The following AMOT variants were observed in gnomAD, a reference collection of about 807,000 sequenced individuals.
AMOT encodes the protein angiomotin.
AMOT carries 11 observed loss-of-function variants against 67.0 expected under a neutral mutation model. The ratio of observed to expected loss-of-function variants is 0.16; its 90% CI spans 0.10 to 0.27. The LOEUF (loss-of-function observed/expected upper bound fraction) is 0.27. AMOT is among the 10% of genes least tolerant of loss of function. The probability of loss-of-function intolerance (pLI) is 1.00; values close to 1 mark genes in which losing one functional copy is unlikely to be tolerated. For synonymous variants in AMOT, 326 were observed against 321.4 expected (o/e 1.01, Z -0.15); for missense variants, 753 against 852.0 (o/e 0.88, Z 1.45).
chrX:112,833,479 G>A (rs979855599), intron 1 of AMOT, among the ~76,000 whole-genome samples: 12 of 40,366 alleles, frequency 3.0e-4, no homozygotes, highest in Non-Finnish European at 4.4e-4. Flanking sequence ...TGGGAGTAAA[G>A]GGGGGGGGGG....
intron 9 of AMOT, among the ~76,000 whole-genome samples, chrX:112,791,610 T>C (rs771788297): frequency 8.9e-6 from 1 of 112,034 alleles, no homozygotes; most frequent in Non-Finnish European, 1.9e-5. Flanking sequence ...AGGTGCAAGA[T>C]AAAAGGCTTA....
chrX:112,794,883 C>G (rs1490762760), intron 8 of AMOT, among the ~76,000 whole-genome samples: 3 of 111,691 alleles, frequency 2.7e-5, no homozygotes, highest in African/African-American at 9.8e-5. Context: ...CTCCAGATAT[C>G]CTTGACATGG....
At chrX:112,806,677 A>G (rs1362889557) in intron 7 of AMOT, among the ~76,000 whole-genome samples, 2 of 111,853 alleles carry the variant, frequency 1.8e-5, no homozygotes, top group African/African-American at 3.3e-5. Context: ...TAGCATTTGC[A>G]TAAGTTAATA....
intron 8 of AMOT, among the ~76,000 whole-genome samples, chrX:112,803,908 A>C (rs1934089783): frequency 8.9e-6 from 1 of 112,184 alleles, no homozygotes; most frequent in Non-Finnish European, 1.9e-5. Flanking sequence ...TCAGAGCAGA[A>C]GTCTGTGAGA....
At chrX:112,814,408 G>A (rs1012866629) in intron 5 of AMOT, among the ~76,000 whole-genome samples, 1 of 111,821 alleles carries the variant, frequency 8.9e-6, no homozygotes, top group African/African-American at 3.3e-5. Context: ...CACTCCTGGT[G>A]TTTCCTAAGG....
chrX:112,821,238 T>C (rs1360752262), intron 4 of AMOT, among the ~76,000 whole-genome samples: 1 of 111,160 alleles, frequency 9.0e-6, no homozygotes, highest in Non-Finnish European at 1.9e-5. Context: ...GAGCCGCATA[T>C]AAATGAAGGC....
chrX:112,790,563 C>T, intron 10 of AMOT, 29 bp downstream of exon 10: 3 of 1,149,717 alleles, frequency 2.6e-6, no homozygotes, highest in Non-Finnish European at 3.5e-6. Flanking sequence ...CTGTTCTTCC[C>T]ACTCATGCCC....
At chrX:112,790,871 G>A in intron 9 of AMOT, 89 bp from the exon 10 acceptor site, 1 of 867,573 alleles carries the variant, frequency 1.2e-6, no homozygotes, top group Non-Finnish European at 1.5e-6. Context: ...TTACTGCCCA[G>A]CCTACTTCTG....
In AMOT at chrX:112,815,647, C is replaced by T. The variant is rs370543375; in HGVS notation, c.1103G>A (p.Arg368His). ...CTGACTCAGGCCAGGTTGGGAGAGA[C>T]GGTAATGATCCCCCTGGTGAGCCTG... ...PNQAHQGDHY[R>H]LSQPGLSQQQ... The change falls in exon 5 of 14, where the codon CGT becomes CAT. Residue 368 changes from arginine to histidine, a missense_variant. By Grantham distance (29) the Arg-to-His change is conservative. Transcript: ENST00000371959. 62 of 1,187,576 alleles carry T rather than the reference C, an allele frequency of 5.2e-5. No individual in the cohort carries two copies. The highest frequency in any genetic ancestry group is 2.3e-4 in the Middle Eastern group (1 of 4,328).
chrX:112,790,445 C>T, intron 10 of AMOT, 147 bp downstream of exon 10: 1 of 593,465 alleles, frequency 1.7e-6, no homozygotes, highest in South Asian at 4.1e-5. Context: ...GCCGTTCATT[C>T]CCTGCATAAT....
chrX:112,797,453 G>A (rs980901713), intron 8 of AMOT, among the ~76,000 whole-genome samples: 2 of 111,280 alleles, frequency 1.8e-5, no homozygotes, highest in Admixed American at 9.6e-5. Context: ...ATAGACAGCT[G>A]CTATAACAGA....
At chrX:112,815,984 T>C (rs1436898794) in intron 4 of AMOT, 107 bp from the exon 5 acceptor site, 1 of 1,044,886 alleles carries the variant, frequency 9.6e-7, no homozygotes, top group African/African-American at 1.9e-5. Context: ...CCAGGACACC[T>C]GCAAAATGAA....
intron 7 of AMOT, among the ~76,000 whole-genome samples, chrX:112,807,082 G>T (rs1447097059): frequency 9.0e-6 from 1 of 111,419 alleles, no homozygotes; most frequent in Non-Finnish European, 1.9e-5. Context: ...TTGCTTGTTT[G>T]TTTCCAGAGC....
rs950024282 is a variant in AMOT at position 112,790,414 on chromosome X, C to A, written c.2117+178G>T. Among the ~76,000 whole-genome samples, 4 of 111,226 alleles carry A rather than the reference C, an allele frequency of 3.6e-5. No homozygotes were observed. The Admixed American group carries it at 3.9e-4, about 11-fold the overall frequency. ...TATAAAACAACTTTGATGTTCAAAT[C>A]CCTGACCCTCTGTCTCTACAGCCGT... is the stretch of plus-strand genomic sequence containing the variant. On this transcript the variant is annotated intron_variant, in intron 10 of 13. Coordinates refer to ENST00000371959, the MANE Select transcript of AMOT (RefSeq NM_001113490.2).
intron 2 of AMOT, among the ~76,000 whole-genome samples, chrX:112,829,398 G>A (rs1315383754): frequency 5.4e-5 from 6 of 110,962 alleles, no homozygotes; most frequent in African/African-American, 2.0e-4. Context: ...CTCCCCCATC[G>A]CCTTCTGCCA....
At chrX:112,827,565 T>C (rs942159466) in intron 2 of AMOT, among the ~76,000 whole-genome samples, 2 of 111,847 alleles carry the variant, frequency 1.8e-5, no homozygotes, top group African/African-American at 6.5e-5. Flanking sequence ...GAATATTTGA[T>C]AGGAAAAAAA....
intron 7 of AMOT, among the ~76,000 whole-genome samples, chrX:112,807,148 A>G (rs749151784): frequency 1.8e-5 from 2 of 110,904 alleles, no homozygotes; most frequent in African/African-American, 3.3e-5. Context: ...GGCCTTCCAC[A>G]CGAGAGAAGG....
chrX:112,825,937 G>A (rs778806034), intron 2 of AMOT, among the ~76,000 whole-genome samples: 62 of 108,579 alleles, frequency 5.7e-4, no homozygotes, highest in Non-Finnish European at 3.2e-4. Flanking sequence ...AACACAGAGC[G>A]CAACCCTTCT....
intron 8 of AMOT, 49 bp downstream of exon 8, chrX:112,804,898 T>TTCCCCCCCCC: frequency 1.6e-5 from 13 of 837,560 alleles, no homozygotes; most frequent in African/African-American, 4.1e-5. Context: ...GTCCCCGATT[T>TTCCCCCCCCC]CCCAGCCCTC....
Sources: allele counts gnomAD v4.1 joint callset (sites outside exome capture counted in the v4.1 genomes callset), GRCh38; gene constraint gnomAD v4.1.1; transcripts MANE v1.5; gene names NCBI Gene and HGNC (gene_info 2026-07-23, HGNC 2026-07-21).